Variants in MACROD2 observed in about 807,000 individuals in gnomAD.
The protein encoded by MACROD2 is ADP-ribose glycohydrolase MACROD2.
In MACROD2, 36 loss-of-function variants were observed where a neutral mutation model predicts 70.4. The observed-to-expected ratio is 0.51, with a 90% confidence interval of 0.39 to 0.68. The LOEUF is 0.68. Ranked by LOEUF, MACROD2 falls within the 30% of genes least tolerant of loss-of-function variation. The probability of loss-of-function intolerance (pLI) is 0.00; values close to 1 mark genes in which losing one functional copy is unlikely to be tolerated. For synonymous variants in MACROD2, 172 were observed against 178.8 expected, an observed-to-expected ratio of 0.96 and a Z score of 0.30; for missense variants, 496 against 538.4, an observed-to-expected ratio of 0.92 and a Z score of 0.78.
intron 5 of MACROD2, among the ~76,000 whole-genome samples, chr20:14,878,401 A>T (rs904714517): frequency 4.6e-5 from 7 of 152,152 alleles, no homozygotes; most frequent in Admixed American, 4.6e-4. Flanking sequence ...GGGCACATTC[A>T]TATTTTTTTG....
At chr20:15,273,206 G>A (rs1279592574) in intron 6 of MACROD2, among the ~76,000 whole-genome samples, 1 of 152,080 alleles carries the variant, frequency 6.6e-6, no homozygotes, top group African/African-American at 2.4e-5. Context: ...AGCTGCCAAC[G>A]AATATAAAAC....
chr20:14,429,132 G>A (rs1311282838), intron 3 of MACROD2, among the ~76,000 whole-genome samples: 2 of 152,112 alleles, frequency 1.3e-5, no homozygotes, highest in East Asian at 1.9e-4. Flanking sequence ...TTTAAATGAA[G>A]CACCTGATGA....
At chr20:15,703,746 G>A (rs887346966) in intron 8 of MACROD2, among the ~76,000 whole-genome samples, 17 of 152,146 alleles carry the variant, frequency 1.1e-4, no homozygotes, top group Non-Finnish European at 2.4e-4. Flanking sequence ...GCTCAGCTGG[G>A]TCTACAGGAT....
intron 5 of MACROD2, among the ~76,000 whole-genome samples, chr20:15,021,186 GT>G (rs1568534764): frequency 5.1e-5 from 6 of 116,996 alleles, no homozygotes; most frequent in Non-Finnish European, 1.1e-4. Context: ...ACAGGTGTGC[GT>G]ATACACACAC....
intron 6 of MACROD2, among the ~76,000 whole-genome samples, chr20:15,423,905 C>G (rs973272712): frequency 1.1e-4 from 17 of 152,170 alleles, no homozygotes; most frequent in Non-Finnish European, 2.1e-4. Flanking sequence ...GTTCTGGAGG[C>G]TGGGAATCTA....
chr20:14,180,509 T>C (rs1322903103), intron 3 of MACROD2, among the ~76,000 whole-genome samples: 1 of 152,200 alleles, frequency 6.6e-6, no homozygotes, highest in Admixed American at 6.5e-5. Context: ...TTTATTCTTT[T>C]GTTGCAGTTT....
intron 4 of MACROD2, among the ~76,000 whole-genome samples, chr20:14,549,439 T>TA (rs1328985814): frequency 6.6e-6 from 1 of 152,224 alleles, no homozygotes; most frequent in African/African-American, 2.4e-5. Flanking sequence ...TCACCTGTTT[T>TA]ATATGTAAAT....
chr20:15,859,267 G>A (rs2064392950), intron 8 of MACROD2, among the ~76,000 whole-genome samples: 1 of 152,082 alleles, frequency 6.6e-6, no homozygotes, highest in Non-Finnish European at 1.5e-5. Flanking sequence ...AGAGGTGGAG[G>A]AAGTGGAAGA....
chr20:14,284,395 G>C (rs905593801), intron 3 of MACROD2, among the ~76,000 whole-genome samples: 5 of 152,002 alleles, frequency 3.3e-5, no homozygotes, highest in African/African-American at 1.2e-4. Flanking sequence ...AAGCATAATT[G>C]GTCACCATTG....
intron 3 of MACROD2, among the ~76,000 whole-genome samples, chr20:14,472,449 G>A (rs2084541383): frequency 6.6e-6 from 1 of 152,116 alleles, no homozygotes; most frequent in Non-Finnish European, 1.5e-5. Context: ...AAGTGCATTA[G>A]TTAATTATCT....
At chr20:14,853,466 TGGAGTCTGGA>T (rs1401475156) in intron 5 of MACROD2, among the ~76,000 whole-genome samples, 1 of 150,946 alleles carries the variant, frequency 6.6e-6, no homozygotes, top group Non-Finnish European at 1.5e-5. Context: ...AAAAATAGGG[TGGAGTCTGGA>T]GGTAGAAGAC....
At chr20:14,955,957 T>C (rs2074532874) in intron 5 of MACROD2, among the ~76,000 whole-genome samples, 2 of 152,182 alleles carry the variant, frequency 1.3e-5, no homozygotes. Context: ...AGACATTTTA[T>C]TTTTGCAATC....
chr20:15,225,999 G>A (rs542549552), intron 5 of MACROD2, among the ~76,000 whole-genome samples: 8 of 152,272 alleles, frequency 5.3e-5, no homozygotes, highest in East Asian at 3.9e-4. Flanking sequence ...CTGTATAATC[G>A]TGTTTGGGAA....
At chr20:14,246,284 T>C (rs1298472751) in intron 3 of MACROD2, among the ~76,000 whole-genome samples, 6 of 152,206 alleles carry the variant, frequency 3.9e-5, no homozygotes, top group African/African-American at 1.4e-4. Flanking sequence ...AATCAGGATA[T>C]CATCATCATC....
At chr20:15,530,627 G>A (rs975575820) in intron 8 of MACROD2, among the ~76,000 whole-genome samples, 9 of 150,952 alleles carry the variant, frequency 6.0e-5, no homozygotes, top group African/African-American at 2.2e-4. Context: ...AGCTACTCAG[G>A]AGGCTGAGGC....
chr20:15,858,554 G>A (rs1279442027), intron 8 of MACROD2, among the ~76,000 whole-genome samples: 1 of 152,180 alleles, frequency 6.6e-6, no homozygotes, highest in African/African-American at 2.4e-5. Flanking sequence ...ACAGGGAGAA[G>A]CTGGAAGAAT....
At chr20:15,836,468 C>A (rs1215603698) in intron 8 of MACROD2, among the ~76,000 whole-genome samples, 1 of 152,104 alleles carries the variant, frequency 6.6e-6, no homozygotes, top group Admixed American at 6.6e-5. Flanking sequence ...AAGGCATAAT[C>A]TTTTTAGAGA....
At chr20:16,017,266 A>G (rs1196045989) in intron 15 of MACROD2, among the ~76,000 whole-genome samples, 1 of 152,020 alleles carries the variant, frequency 6.6e-6, no homozygotes, top group Non-Finnish European at 1.5e-5. Context: ...TGAAATGCCA[A>G]CCTCCACACA....
chr20:15,218,344 C>G (rs1318651969), intron 5 of MACROD2, among the ~76,000 whole-genome samples: 2 of 152,292 alleles, frequency 1.3e-5, no homozygotes, highest in Non-Finnish European at 2.9e-5. Flanking sequence ...TTTGCCAGTT[C>G]AACTCTAAGA....
Sources: allele counts gnomAD v4.1 joint callset (sites outside exome capture counted in the v4.1 genomes callset), GRCh38; gene constraint gnomAD v4.1.1; transcripts MANE v1.5; gene names NCBI Gene and HGNC (gene_info 2026-07-23, HGNC 2026-07-21).